Variants in RAP1GAP observed in about 807,000 individuals in gnomAD.
RAP1GAP encodes the protein rap1 GTPase-activating protein 1.
Under a neutral mutation model 87.2 loss-of-function variants are expected in RAP1GAP, and 35 were observed. The ratio of observed to expected loss-of-function variants is 0.40; its 90% CI spans 0.31 to 0.53. The LOEUF is 0.53. Among genes scored for constraint, RAP1GAP ranks in the 20% least tolerant of loss-of-function variants. The probability of loss-of-function intolerance (pLI) is 0.48; values close to 1 mark genes in which losing one functional copy is unlikely to be tolerated. For synonymous variants in RAP1GAP, 375 were observed against 363.9 expected, an observed-to-expected ratio of 1.03 and a Z score of -0.35; for missense variants, 734 against 898.9, an observed-to-expected ratio of 0.82 and a Z score of 2.35.
chr1:21,637,328 T>C (rs1275940135), intron 2 of RAP1GAP, among the ~76,000 whole-genome samples: 4 of 151,522 alleles, frequency 2.6e-5, no homozygotes, highest in Admixed American at 2.6e-4. Flanking sequence ...GGCTAATTTT[T>C]TTTTTTTGTA....
intron 3 of RAP1GAP, chr1:21,623,127 TC>T (rs1558741442): frequency 6.6e-6 from 1 of 152,274 alleles, no homozygotes; most frequent in Non-Finnish European, 1.5e-5. Context: ...CTCCGTCCCT[TC>T]CCCCGCCCTA....
Position 21,626,390 on chromosome 1 carries a change from C to T in RAP1GAP, c.-105G>A, listed in dbSNP as rs751728482. ...TGAGGGAAGTGCTGGTTCTGCCCAT[C>T]GCTCCTCCTGGAAGAGAAAGAGTCT... is the stretch of plus-strand genomic sequence containing the variant. On this transcript the variant is annotated 5_prime_UTR_variant, in exon 3 of 25. Coordinates refer to ENST00000374765, the MANE Select transcript of RAP1GAP (RefSeq NM_002885.4). The T allele has an allele frequency of 5.6e-6, 9 of 1,612,202 alleles. No individual in the cohort carries two copies. The highest frequency in any genetic ancestry group is 4.4e-5 in the South Asian group (4 of 91,064).
chr1:21,606,136 T>C lies in RAP1GAP; in HGVS notation c.1358A>G (p.Asn453Ser). ...CCCGCTGTGGCTGGTGGACACGGTG[T>C]TGGGCTTCTTGTTGCTCAGCCCCAT... ...DAMGLSNKKP[N>S]TVSTSHSGSF... Residue 453 changes from asparagine (N) to serine (S), a missense_variant, in exon 18 of 25, where the codon AAC becomes AGC. Transcript: ENST00000374765. 6.3e-7 allele frequency: 1 copy of C among 1,584,908 alleles called. No homozygotes were observed. Among genetic ancestry groups the C allele is most frequent in the Non-Finnish European group, 8.6e-7 (1 of 1,166,042 alleles).
chr1:21,616,225 C>T (rs2082088341), intron 7 of RAP1GAP, among the ~76,000 whole-genome samples: 1 of 151,210 alleles, frequency 6.6e-6, no homozygotes, highest in Admixed American at 6.6e-5. Flanking sequence ...CTCCCATGCA[C>T]CTTAATGGAA....
At chr1:21,652,370 C>T (rs2096645947) in intron 1 of RAP1GAP, among the ~76,000 whole-genome samples, 1 of 152,244 alleles carries the variant, frequency 6.6e-6, no homozygotes, top group East Asian at 1.9e-4. Flanking sequence ...GCACGTAAAG[C>T]GCTCGGCCCA....
At position 21,627,409 on chromosome 1, in the gene RAP1GAP, C is replaced by CTTCT. The variant is rs1553464079; in HGVS notation, c.-112-1013_-112-1012insAGAA. Reference sequence around the variant, plus strand: ...GAGAAAGCTGTGAGCCTCCCTTCTTCTTTTTTTTTTTTTTTTTTTTTTATG... The same window carrying CTTCT: ...GAGAAAGCTGTGAGCCTCCCTTCTTCTTCTTTTTTTTTTTTTTTTTTTTTTTATG... On this transcript the variant is annotated intron_variant, in intron 2 of 24. Coordinates refer to ENST00000374765, the MANE Select transcript of RAP1GAP (RefSeq NM_002885.4). Among the ~76,000 whole-genome samples, 70 of 125,242 alleles carry CTTCT rather than the reference C, an allele frequency of 5.6e-4. 1 individual carries two copies. The highest frequency in any genetic ancestry group is 1.1e-3 in the South Asian group (4 of 3,706). 82.2% of individuals were successfully genotyped at this position (125,242 alleles called of 152,430 possible).
In RAP1GAP at chr1:21,598,043, G is replaced by A; in HGVS notation, c.1901C>T (p.Pro634Leu). 6.3e-7 allele frequency: 1 copy of A among 1,579,066 alleles called. No homozygotes were observed. Among genetic ancestry groups the A allele is most frequent in the East Asian group, 2.3e-5 (1 of 43,612 alleles). The change falls in exon 23 of 25, where the codon CCA becomes CTA. Residue 634 changes from proline (P) to leucine (L), a missense_variant. This residue lies in a region of RAP1GAP where 249 missense variants were observed against 252.7 expected (regional missense o/e 0.99). Coordinates refer to ENST00000374765, the MANE Select transcript of RAP1GAP (RefSeq NM_002885.4). ...AGGGTCCCCCAACTTGCCGGCGTCTGGGTGGGGTGATCGAGAGGGGCCTGG... is the reference window on the plus strand; with the variant it reads ...AGGGTCCCCCAACTTGCCGGCGTCTAGGTGGGGTGATCGAGAGGGGCCTGG... ...SSPGPSRSPH[P>L]DAGKLGDPAC...
chr1:21,619,470 G>C (rs1227575811), intron 4 of RAP1GAP, among the ~76,000 whole-genome samples: 1 of 152,036 alleles, frequency 6.6e-6, no homozygotes, highest in African/African-American at 2.4e-5. Flanking sequence ...ATTGGAGAGA[G>C]AGACAGAAAG....
Position 21,603,403 on chromosome 1 carries a change from C to A in RAP1GAP, c.1429-490G>T. On this transcript the variant is annotated intron_variant, in intron 18 of 24. Transcript: ENST00000374765. The surrounding 1 kb of genome is among the most constrained non-coding windows in gnomAD (Gnocchi z 6.0). The stretch of plus-strand genomic sequence containing the variant: ...CTTCCCACACACTGTGCTGGGATGC[C>A]CCAGGCCCCAGAAGCCCGCCCCCAG... 1 of 546,032 alleles carries A rather than the reference C, an allele frequency of 1.8e-6. No individual in the cohort carries two copies. Among genetic ancestry groups the A allele is most frequent in the South Asian group, 2.3e-5 (1 of 42,860 alleles). The allele number at this position is 546,032 out of a possible 1,614,324, so 33.8% of individuals were successfully genotyped here. A position where few individuals can be genotyped will look rare whatever the true frequency, so the allele number is the denominator to read the frequency against.
At chr1:21,604,172 G>A (rs950667319) in intron 18 of RAP1GAP, among the ~76,000 whole-genome samples, 6 of 151,988 alleles carry the variant, frequency 3.9e-5, no homozygotes, top group East Asian at 1.9e-4. Context: ...AGGGACACGC[G>A]TGAGCCAGCG....
intron 2 of RAP1GAP, among the ~76,000 whole-genome samples, chr1:21,649,214 C>T (rs2096359252): frequency 1.3e-5 from 2 of 152,094 alleles, no homozygotes; most frequent in Non-Finnish European, 2.9e-5. Context: ...TTCCCTCCTC[C>T]TCCAAAGAGA....
intron 2 of RAP1GAP, among the ~76,000 whole-genome samples, chr1:21,648,894 A>G (rs1314974761): frequency 6.6e-6 from 1 of 152,152 alleles, no homozygotes; most frequent in African/African-American, 2.4e-5. Flanking sequence ...CTGGCTTCCC[A>G]GGAGGGCTCT....
rs774302574 is a variant in RAP1GAP, at chr1:21,614,041, A to G, written c.340T>C (p.Phe114Leu). 15 of 1,612,792 alleles carry G rather than the reference A, an allele frequency of 9.3e-6. No homozygotes were observed. Among genetic ancestry groups the G allele is most frequent in the Middle Eastern group, 1.6e-4 (1 of 6,082 alleles). ...SLDAALGHLVFSLKYDVIGDQ... is the reference protein window; with the variant it reads ...SLDAALGHLVLSLKYDVIGDQ... ...CCGATGACATCGTACTTGAGTGAGA[A>G]GACAAGGTGGCCGAGGGCAGCGTCC... Residue 114 changes from phenylalanine (F) to leucine (L), a missense_variant, in exon 8 of 25, where the codon TTC (phenylalanine) becomes CTC (leucine). Around this residue, in one of 2 missense-constraint regions of RAP1GAP, gnomAD observed 485 missense variants for 646.2 expected, o/e 0.75. Transcript: ENST00000374765.
rs1570469338 is a variant in RAP1GAP at position 21,603,062 on chromosome 1, G to C, written c.1429-149C>G. The C allele has an allele frequency of 1.6e-6, 1 of 614,372 alleles. No individual in the cohort carries two copies. The highest frequency in any genetic ancestry group is 2.8e-5 in the East Asian group (1 of 35,128). The allele number at this position is 614,372 out of a possible 1,614,324, so 38.1% of individuals were successfully genotyped here. On this transcript the variant is annotated intron_variant, in intron 18 of 24. Transcript: ENST00000374765. The surrounding 1 kb of genome is among the most constrained non-coding windows in gnomAD (Gnocchi z 6.0). The stretch of plus-strand genomic sequence containing the variant: ...GAGAAGATATCCATTCCCAGAGACA[G>C]CCTCCCAGTTTACGAAAGGGAAACA...
In RAP1GAP at chr1:21,600,855, A is replaced by C. The variant is rs1401977027; in HGVS notation, c.1652+829T>G. ...AGCCGAGATTGTGCCACTGCACTCC[A>C]GCCTGGGAGACAGAGCAAGACTCTG... On this transcript the variant is annotated intron_variant, in intron 20 of 24. Coordinates refer to ENST00000374765, the MANE Select transcript of RAP1GAP (RefSeq NM_002885.4). Among the ~76,000 whole-genome samples, 3 of 137,362 alleles carry C rather than the reference A, an allele frequency of 2.2e-5. No homozygotes were observed. In the East Asian group the frequency reaches 6.9e-4, roughly 31 times the overall value. The allele number at this position is 137,362 out of a possible 152,430, so 90.1% of individuals were successfully genotyped here. A position where few individuals can be genotyped will look rare whatever the true frequency, so the allele number is the denominator to read the frequency against.
At chr1:21,651,903 G>GCCCCGC (rs930349683) in intron 1 of RAP1GAP, 176 of 979,992 alleles carry the variant, frequency 1.8e-4, no homozygotes, top group East Asian at 2.2e-4. Flanking sequence ...CAACGCGGCC[G>GCCCCGC]CCCCGCCCCC....
intron 1 of RAP1GAP, chr1:21,651,724 G>GCGTGCACACGCACA (rs1553492193): frequency 1.6e-6 from 1 of 628,200 alleles, no homozygotes; most frequent in African/African-American, 2.7e-5. Flanking sequence ...TCCCCCCCAC[G>GCGTGCACACGCACA]CGTGCACACG....
chr1:21,622,627 G>A lies in RAP1GAP; in HGVS notation c.-18-2577C>T, dbSNP rs1049646038. ...GGCGGCACGGCGCGGGGCGGGGCGGGGCGGGGGCGCTGAAGCCACGCCCCC... is the reference window on the plus strand; with the variant it reads ...GGCGGCACGGCGCGGGGCGGGGCGGAGCGGGGGCGCTGAAGCCACGCCCCC... On this transcript the variant is annotated intron_variant, in intron 3 of 24. Coordinates refer to ENST00000374765, the MANE Select transcript of RAP1GAP (RefSeq NM_002885.4). The surrounding 1 kb of genome is among the most constrained non-coding windows in gnomAD (Gnocchi z 5.7). 6.8e-6 allele frequency: 1 copy of A among 146,596 alleles called. No homozygotes were observed. Among genetic ancestry groups the A allele is most frequent in the Non-Finnish European group, 1.5e-5 (1 of 65,898 alleles). 9.1% of individuals were successfully genotyped at this position (146,596 alleles called of 1,614,324 possible).
At chr1:21,659,343 C>T (rs1242795679) in intron 1 of RAP1GAP, among the ~76,000 whole-genome samples, 3 of 152,196 alleles carry the variant, frequency 2.0e-5, no homozygotes, top group Non-Finnish European at 4.4e-5. Context: ...CCGGGAGCAT[C>T]TCAGAGAAGG....
Sources: gnomAD v4.1 joint callset for allele counts (sites outside exome capture counted in the v4.1 genomes callset) on GRCh38, gnomAD v4.1.1 for gene constraint, gnomAD v4.1.1 regional missense constraint, Gnocchi (gnomAD v3.1) non-coding constraint, MANE v1.5 for transcripts, NCBI Gene and HGNC (gene_info 2026-07-23, HGNC 2026-07-21) for gene names.